LEMD3: variants seen among roughly 807,000 people sequenced by gnomAD.
LEMD3 encodes inner nuclear membrane protein Man1.
A neutral mutation model predicts 95.2 loss-of-function variants in LEMD3; 33 were observed. The ratio of observed to expected loss-of-function variants is 0.35; its 90% CI spans 0.26 to 0.46. LEMD3 has a LOEUF of 0.46. LEMD3 is among the 20% of genes least tolerant of loss of function. LEMD3 has a pLI of 1.00. For missense variants in LEMD3, 1,210 were observed against 1,192.8 expected (o/e 1.01, Z -0.21); for synonymous variants, 525 against 474.6 (o/e 1.11, Z -1.38).
chr12:65,202,849 G>A (rs1269648441), intron 1 of LEMD3, among the ~76,000 whole-genome samples: 1 of 152,100 alleles, frequency 6.6e-6, no homozygotes, highest in Non-Finnish European at 1.5e-5. Context: ...GTTGTTCACA[G>A]TATTCTTTTG....
chr12:65,244,084 C>T (rs1468269843), intron 10 of LEMD3, among the ~76,000 whole-genome samples: 1 of 152,198 alleles, frequency 6.6e-6, no homozygotes, highest in East Asian at 1.9e-4. Context: ...CACTGCTTAT[C>T]TATCCAGTGA....
At position 65,240,936 on chromosome 12, in the gene LEMD3, A is replaced by G. The variant is rs1405413057; in HGVS notation, c.2154A>G (p.Arg718=). 2.0e-5 allele frequency: 32 copies of G among 1,613,938 alleles called. No individual in the cohort carries two copies. Among genetic ancestry groups the G allele is most frequent in the Non-Finnish European group, 2.6e-5 (31 of 1,179,946 alleles). Residue 718 remains arginine (R), a synonymous_variant, in exon 9 of 13, where the codon AGA becomes AGG. Transcript: ENST00000308330. ...DRKKMKKVWD[R]AVDFLAANES... is the part of the protein sequence containing the mutation. The stretch of plus-strand genomic sequence containing the variant: ...AAAAAATGAAGAAAGTCTGGGATAG[A>G]GCTGTTGACTTCCTTGCTGCTAATG...
chr12:65,171,529 G>T, intron 1 of LEMD3: 1 of 214,210 alleles, frequency 4.7e-6, no homozygotes. Context: ...AATAGGCAAT[G>T]TAATAGCTCT....
chr12:65,223,688 G>A (rs1469685502), intron 4 of LEMD3, among the ~76,000 whole-genome samples: 1 of 151,832 alleles, frequency 6.6e-6, no homozygotes, highest in Non-Finnish European at 1.5e-5. Flanking sequence ...CAGCCACTCA[G>A]TGTGCTTTGA....
chr12:65,245,831 G>T, intron 11 of LEMD3, 30 bp from the exon 12 acceptor site: 1 of 1,589,234 alleles, frequency 6.3e-7, no homozygotes, highest in South Asian at 1.1e-5. Context: ...ATTAAACTAA[G>T]ACTATTTTCT....
intron 1 of LEMD3, among the ~76,000 whole-genome samples, chr12:65,181,888 G>T (rs1183124809): frequency 6.6e-6 from 1 of 151,694 alleles, no homozygotes; most frequent in Non-Finnish European, 1.5e-5. Flanking sequence ...CCTTTTGACA[G>T]AAGTGTTTTG....
chr12:65,183,828 C>G (rs1368033794), intron 1 of LEMD3, among the ~76,000 whole-genome samples: 1 of 152,164 alleles, frequency 6.6e-6, no homozygotes, highest in Non-Finnish European at 1.5e-5. Context: ...GTGGTATCTT[C>G]TAAGTCCTTG....
intron 1 of LEMD3, among the ~76,000 whole-genome samples, chr12:65,180,989 A>ACACACACACACACAC (rs150665517): frequency 5.4e-5 from 8 of 149,178 alleles, no homozygotes; most frequent in African/African-American, 2.0e-4. Context: ...TATGTACACA[A>ACACACACACACACAC]ACACACACAC....
At chr12:65,201,260 G>T (rs1042692756) in intron 1 of LEMD3, among the ~76,000 whole-genome samples, 1 of 152,018 alleles carries the variant, frequency 6.6e-6, no homozygotes, top group African/African-American at 2.4e-5. Flanking sequence ...CTTCAATATT[G>T]TGTTGGTTAT....
chr12:65,203,795 A>C (rs1448432786), intron 1 of LEMD3, among the ~76,000 whole-genome samples: 2 of 152,072 alleles, frequency 1.3e-5, no homozygotes, highest in Non-Finnish European at 2.9e-5. Flanking sequence ...TTTTTGCCTC[A>C]CATATTTTGA....
At position 65,170,679 on chromosome 12, in the gene LEMD3, T is replaced by C; in HGVS notation, c.1083T>C (p.Ala361=). ...SSPVPRYRVN[A]KKLTPLLPPP... is the part of the protein sequence containing the mutation. ...CCGTTCCTAGATACCGTGTTAACGCTAAGAAACTGACCCCTCTCCTGCCCC... is the reference window on the plus strand; with the variant it reads ...CCGTTCCTAGATACCGTGTTAACGCCAAGAAACTGACCCCTCTCCTGCCCC... Residue 361 remains alanine, a synonymous_variant, in exon 1 of 13, where the codon GCT becomes GCC. Coordinates refer to ENST00000308330, the MANE Select transcript of LEMD3 (RefSeq NM_014319.5). 6.2e-7 allele frequency: 1 copy of C among 1,614,154 alleles called. No homozygotes were observed. The highest frequency in any genetic ancestry group is 8.5e-7 in the Non-Finnish European group (1 of 1,180,044).
intron 6 of LEMD3, among the ~76,000 whole-genome samples, chr12:65,239,720 T>C (rs915006803): frequency 1.3e-5 from 2 of 152,196 alleles, no homozygotes; most frequent in Admixed American, 6.5e-5. Context: ...TGTTCACTTA[T>C]CAGTGTAATG....
chr12:65,170,316 G>T lies in LEMD3; in HGVS notation c.720G>T (p.Ala240=). The change falls in exon 1 of 13, where the codon GCG becomes GCT. Residue 240 remains alanine (A), a synonymous_variant. Coordinates refer to ENST00000308330, the MANE Select transcript of LEMD3 (RefSeq NM_014319.5). ...CGGAGACCGAGGAGCCGCTCTGGGCGAGCCGGACCGTGAATGGCAGCCGGC... is the reference window on the plus strand; with the variant it reads ...CGGAGACCGAGGAGCCGCTCTGGGCTAGCCGGACCGTGAATGGCAGCCGGC... ...RDPETEEPLW[A]SRTVNGSRLV... 6.3e-7 allele frequency: 1 copy of T among 1,595,260 alleles called. No individual in the cohort carries two copies. The highest frequency in any genetic ancestry group is 8.5e-7 in the Non-Finnish European group (1 of 1,170,726).
chr12:65,180,782 T>G (rs1300229500), intron 1 of LEMD3, among the ~76,000 whole-genome samples: 1 of 152,182 alleles, frequency 6.6e-6, no homozygotes, highest in African/African-American at 2.4e-5. Context: ...AGCTAAAGTT[T>G]AAAAACAAGG....
intron 1 of LEMD3, among the ~76,000 whole-genome samples, chr12:65,201,488 T>G (rs1869598347): frequency 6.6e-6 from 1 of 152,180 alleles, no homozygotes; most frequent in Non-Finnish European, 1.5e-5. Flanking sequence ...AGTTTTGTAG[T>G]TTTGCTCATG....
At chr12:65,230,449 T>G (rs1036007193) in intron 4 of LEMD3, among the ~76,000 whole-genome samples, 8 of 149,624 alleles carry the variant, frequency 5.3e-5, no homozygotes, top group South Asian at 2.1e-4. Flanking sequence ...TGTTTTATGG[T>G]TTTTTTTTAG....
At chr12:65,199,510 A>G (rs1869530055) in intron 1 of LEMD3, among the ~76,000 whole-genome samples, 3 of 152,078 alleles carry the variant, frequency 2.0e-5, no homozygotes, top group Non-Finnish European at 2.9e-5. Context: ...TCGATATGCT[A>G]TGTTTCTGAC....
intron 1 of LEMD3, among the ~76,000 whole-genome samples, chr12:65,195,072 A>G (rs1869388045): frequency 6.6e-6 from 1 of 151,966 alleles, no homozygotes; most frequent in African/African-American, 2.4e-5. Context: ...TTACTGTTAT[A>G]GTTTTTGCAA....
Position 65,247,661 on chromosome 12 carries a change from G to A in LEMD3, c.*1336G>A, listed in dbSNP as rs1871156438. On this transcript the variant is annotated 3_prime_UTR_variant, in exon 13 of 13. Transcript: ENST00000308330. ...TCCAAATGAATATGTGAAACAGCTG[G>A]AATTGTACAAATTTTGGTTGTATTT... 1 of 152,452 alleles carries A rather than the reference G, an allele frequency of 6.6e-6. No individual in the cohort carries two copies. Among genetic ancestry groups the A allele is most frequent in the African/African-American group, 2.4e-5 (1 of 41,390 alleles). The allele number at this position is 152,452 out of a possible 1,614,324, so 9.4% of individuals were successfully genotyped here. A position where few individuals can be genotyped will look rare whatever the true frequency, so the allele number is the denominator to read the frequency against.
Sources: gnomAD v4.1 joint callset for allele counts (sites outside exome capture counted in the v4.1 genomes callset) on GRCh38, gnomAD v4.1.1 for gene constraint, MANE v1.5 for transcripts, NCBI Gene and HGNC (gene_info 2026-07-23, HGNC 2026-07-21) for gene names.